The following KCNAB1 variants were observed in gnomAD, a reference collection of about 807,000 sequenced individuals.
KCNAB1 encodes the protein voltage-gated potassium channel subunit beta-1.
In KCNAB1, 35 loss-of-function variants were observed where a neutral mutation model predicts 64.6. The ratio of observed to expected loss-of-function variants is 0.54; its 90% confidence interval spans 0.41 to 0.72. The LOEUF is 0.72. Among genes scored for constraint, KCNAB1 ranks in the 30% least tolerant of loss-of-function variants. KCNAB1 has a pLI of 0.00. For synonymous variants in KCNAB1, 177 were observed against 183.8 expected, an observed-to-expected ratio of 0.96 and a Z score of 0.30; for missense variants, 401 against 512.9, an observed-to-expected ratio of 0.78 and a Z score of 2.11.
intron 5 of KCNAB1, chr3:156,460,133 T>TA (rs1712791668): frequency 2.5e-6 from 1 of 407,582 alleles, no homozygotes; most frequent in African/African-American, 2.1e-5. Context: ...TATTTGTGCA[T>TA]GAAAAAGTGA....
At chr3:156,414,828 C>T (rs115602576) in intron 1 of KCNAB1, among the ~76,000 whole-genome samples, 1,702 of 152,138 alleles carry the variant, frequency 0.011, 27 homozygotes, top group African/African-American at 0.039. Flanking sequence ...CATGAGTGGG[C>T]ACTTCTCAAG....
intron 11 of KCNAB1, among the ~76,000 whole-genome samples, chr3:156,522,989 A>G (rs1718058586): frequency 6.6e-6 from 1 of 152,196 alleles, no homozygotes; most frequent in Non-Finnish European, 1.5e-5. Flanking sequence ...AGAAGAGTCT[A>G]TTGTTCCCTT....
chr3:156,292,078 TCACATTTCTCTCAAAGAGTCC>T, intron 1 of KCNAB1: 2 of 1,614,104 alleles, frequency 1.2e-6, no homozygotes, highest in Non-Finnish European at 1.7e-6. Flanking sequence ...CGCCTCAGCA[TCACATTTCTCTCAAAGAGTCC>T]ACCGCAAAGC....
At chr3:156,510,683 G>A (rs1411067025) in intron 8 of KCNAB1, among the ~76,000 whole-genome samples, 1 of 152,152 alleles carries the variant, frequency 6.6e-6, no homozygotes, top group South Asian at 2.1e-4. Flanking sequence ...CACTGACACT[G>A]AAGCTGCTTT....
In KCNAB1 at chr3:156,152,640, T is replaced by C. The variant is rs145551741; in HGVS notation, c.275+31754T>C. On this transcript the variant is annotated intron_variant, in intron 1 of 13. Transcript: ENST00000490337. Reference sequence around the variant, plus strand: ...GATGAGATAGAAGCTCTGACAATTGTAGAGTGTGGGTGTAAAATGTGCAGC... The same window carrying C: ...GATGAGATAGAAGCTCTGACAATTGCAGAGTGTGGGTGTAAAATGTGCAGC... Among the ~76,000 whole-genome samples the C allele has an allele frequency of 3.5e-3, 537 of 152,346 alleles. 2 individuals carry two copies. The highest frequency in any genetic ancestry group is 0.012 in the African/African-American group (506 of 41,582).
chr3:156,440,433 G>A lies in KCNAB1; in HGVS notation c.320-12466G>A, dbSNP rs116289124. Among the ~76,000 whole-genome samples, 1,179 of 152,258 alleles carry A rather than the reference G, an allele frequency of 7.7e-3. 18 individuals carry two copies. The highest frequency in any genetic ancestry group is 0.027 in the African/African-American group (1,136 of 41,536). On this transcript the variant is annotated intron_variant, in intron 2 of 13. Coordinates refer to ENST00000490337, the MANE Select transcript of KCNAB1 (RefSeq NM_172160.3). ...AACTTGTCTTCAGGCCAGGCTGCCA[G>A]GAGCTGTTCTTTGCTTCTCCTGAAC...
chr3:156,333,329 C>T (rs1288599741), intron 1 of KCNAB1, among the ~76,000 whole-genome samples: 1 of 147,182 alleles, frequency 6.8e-6, no homozygotes, highest in Admixed American at 6.8e-5. Flanking sequence ...AACACACACA[C>T]ACACACACAC....
At chr3:156,486,574 G>A (rs1012293703) in intron 8 of KCNAB1, among the ~76,000 whole-genome samples, 2 of 152,142 alleles carry the variant, frequency 1.3e-5, no homozygotes, top group African/African-American at 4.8e-5. Flanking sequence ...GGGTAAAGAG[G>A]TGGGCTGACT....
At chr3:156,485,053 T>C (rs1464597231) in intron 8 of KCNAB1, among the ~76,000 whole-genome samples, 1 of 152,178 alleles carries the variant, frequency 6.6e-6, no homozygotes, top group Non-Finnish European at 1.5e-5. Flanking sequence ...ATTGTAATTG[T>C]CCTGCACAAA....
chr3:156,502,141 C>T lies in KCNAB1; in HGVS notation c.659-12223C>T, dbSNP rs1277795698. ...TTCTGCTAAATGTGCCCTATTCCAA[C>T]CAAAATCCTTCCAAGCTTTTAAAAT... On this transcript the variant is annotated intron_variant, in intron 8 of 13. Transcript: ENST00000490337. Among the ~76,000 whole-genome samples the T allele has an allele frequency of 4.6e-5, 7 of 152,020 alleles. No homozygotes were observed. In the South Asian group the frequency reaches 1.5e-3, roughly 32 times the overall value.
chr3:156,428,422 C>T (rs1715971800), intron 2 of KCNAB1, among the ~76,000 whole-genome samples: 1 of 150,766 alleles, frequency 6.6e-6, no homozygotes. Flanking sequence ...TCTAACTTGC[C>T]AACTGCAGAT....
chr3:156,146,586 A>G (rs1232135495), intron 1 of KCNAB1, among the ~76,000 whole-genome samples: 2 of 152,200 alleles, frequency 1.3e-5, no homozygotes, highest in Non-Finnish European at 2.9e-5. Context: ...CAGGGACAAC[A>G]CTTTTCCTGT....
intron 2 of KCNAB1, among the ~76,000 whole-genome samples, chr3:156,446,381 AATTT>A (rs1419913381): frequency 6.6e-6 from 1 of 152,170 alleles, no homozygotes; most frequent in Non-Finnish European, 1.5e-5. Context: ...TGAACATGTT[AATTT>A]TACCTGGTGT....
At position 156,427,195 on chromosome 3, in the gene KCNAB1, G is replaced by A. The variant is rs757734665; in HGVS notation, c.319+5536G>A. On this transcript the variant is annotated intron_variant, in intron 2 of 13. Transcript: ENST00000490337. ...GAAATCTCAGAGACAGGAGACACAG[G>A]AGGGAGCTGTGAGGGCAGACAGCAC... Among the ~76,000 whole-genome samples, 10 of 152,304 alleles carry A rather than the reference G, an allele frequency of 6.6e-5. No individual in the cohort carries two copies. In the South Asian group the frequency reaches 1.5e-3, roughly 22 times the overall value.
intron 1 of KCNAB1, among the ~76,000 whole-genome samples, chr3:156,337,720 T>G (rs1361761505): frequency 6.6e-6 from 1 of 152,208 alleles, no homozygotes; most frequent in Non-Finnish European, 1.5e-5. Context: ...CACTTAGTAT[T>G]TGCCACTAGT....
At chr3:156,212,554 C>T (rs770914632) in intron 1 of KCNAB1, among the ~76,000 whole-genome samples, 6 of 151,996 alleles carry the variant, frequency 3.9e-5, no homozygotes, top group Admixed American at 2.6e-4. Flanking sequence ...GTGGGGGATG[C>T]GAAGGGAGAC....
chr3:156,515,250 T>C (rs1717478601), intron 10 of KCNAB1, 30 bp downstream of exon 10: 1 of 1,579,218 alleles, frequency 6.3e-7, no homozygotes, highest in African/African-American at 1.4e-5. Context: ...CTACTGAGTA[T>C]TTTTAACAAG....
intron 1 of KCNAB1, among the ~76,000 whole-genome samples, chr3:156,390,973 T>C (rs1268732205): frequency 1.3e-5 from 2 of 152,098 alleles, no homozygotes; most frequent in African/African-American, 2.4e-5. Context: ...TCTGTAAATG[T>C]CTAAAGCTGG....
chr3:156,333,871 T>G (rs1241632258), intron 1 of KCNAB1, among the ~76,000 whole-genome samples: 3 of 152,178 alleles, frequency 2.0e-5, no homozygotes, highest in African/African-American at 7.2e-5. Context: ...AAATTCACTT[T>G]TTTTCTCTCT....
Sources: gnomAD v4.1 joint callset for allele counts (sites outside exome capture counted in the v4.1 genomes callset) on GRCh38, gnomAD v4.1.1 for gene constraint, MANE v1.5 for transcripts, NCBI Gene and HGNC (gene_info 2026-07-23, HGNC 2026-07-21) for gene names.